UBR2: variants seen among roughly 807,000 people sequenced by gnomAD.
UBR2 encodes the protein ubiquitin protein ligase E3 component n-recognin 2.
In UBR2, 92 loss-of-function variants were observed where a neutral mutation model predicts 247.9. The observed-to-expected ratio is 0.37, with a 90% CI of 0.31 to 0.44. UBR2 has a LOEUF of 0.44. UBR2 is among the 20% of genes least tolerant of loss of function. The pLI is 1.00. For synonymous variants in UBR2, 672 were observed against 693.5 expected (o/e 0.97, Z 0.49); for missense variants, 1,613 against 2,112.6 (o/e 0.76, Z 4.64).
chr6:42,669,203 G>A (rs567000708), intron 34 of UBR2, among the ~76,000 whole-genome samples: 1 of 152,296 alleles, frequency 6.6e-6, no homozygotes, highest in Admixed American at 6.5e-5. Context: ...AGGATTACAT[G>A]CTGAGCCACC....
At chr6:42,625,708 C>T (rs1795298065) in intron 11 of UBR2, among the ~76,000 whole-genome samples, 1 of 152,146 alleles carries the variant, frequency 6.6e-6, no homozygotes, top group African/African-American at 2.4e-5. Flanking sequence ...CCTCAACCTC[C>T]CAAAGTGCTG....
At chr6:42,655,171 C>T (rs1797363313) in intron 25 of UBR2, among the ~76,000 whole-genome samples, 2 of 152,088 alleles carry the variant, frequency 1.3e-5, no homozygotes, top group Non-Finnish European at 2.9e-5. Context: ...TCAGTCTTTT[C>T]ATTTAATAAA....
chr6:42,588,731 C>T (rs1792458091), intron 2 of UBR2, among the ~76,000 whole-genome samples: 1 of 152,148 alleles, frequency 6.6e-6, no homozygotes, highest in African/African-American at 2.4e-5. Context: ...CCCACCCCTC[C>T]CCTCTTCCGA....
intron 32 of UBR2, among the ~76,000 whole-genome samples, 156 bp downstream of exon 32, chr6:42,663,575 A>G (rs1287992058): frequency 6.6e-6 from 1 of 152,200 alleles, no homozygotes; most frequent in Non-Finnish European, 1.5e-5. Context: ...GACCTGTGGA[A>G]TGTGATTTTA....
chr6:42,640,381 A>T, intron 16 of UBR2, 111 bp downstream of exon 16: 74 of 488,808 alleles, frequency 1.5e-4, no homozygotes, highest in Middle Eastern at 5.7e-4. Context: ...CAGAACCAGT[A>T]AGGTGTGTGT....
rs1307526216 is a variant in UBR2, at chr6:42,663,285, A to G, written c.3564A>G (p.Glu1188=). The G allele has an allele frequency of 9.9e-6, 16 of 1,611,346 alleles. No homozygotes were observed. The Admixed American group carries it at 1.0e-4, about 10-fold the overall frequency. Residue 1188 remains glutamate, a synonymous_variant, in exon 32 of 47, where the codon GAA becomes GAG. Transcript: ENST00000372901. ...QRYFDSVQAK[E]QRRQQRLRLH... ...ATTTTGATTCCGTTCAAGCTAAAGA[A>G]CAGCGAAGGCAACAGAGATTACGCT...
Position 42,632,805 on chromosome 6 carries a change from G to A in UBR2, c.1446G>A (p.Lys482=), listed in dbSNP as rs1255493946. 1 of 1,601,446 alleles carries A rather than the reference G, an allele frequency of 6.2e-7. No individual in the cohort carries two copies. The highest frequency in any genetic ancestry group is 1.4e-5 in the African/African-American group (1 of 74,054). The change falls in exon 13 of 47, where the codon AAG becomes AAA. Residue 482 remains lysine (K), a splice_region_variant and synonymous_variant. Coordinates refer to ENST00000372901, the MANE Select transcript of UBR2 (RefSeq NM_001363705.2). ...RRVQSLILDL[K]YVLISKPTEW... ...CCACTGTCACTTTTATCTTGTTCAG[G>A]TATGTGTTAATTAGCAAACCAACTG... is the stretch of plus-strand genomic sequence containing the variant.
chr6:42,629,630 C>A (rs1222076729), intron 11 of UBR2, among the ~76,000 whole-genome samples: 1 of 151,968 alleles, frequency 6.6e-6, no homozygotes, highest in Non-Finnish European at 1.5e-5. Flanking sequence ...GCACTCCAGC[C>A]TGGGTGACAA....
intron 11 of UBR2, 86 bp from the exon 12 acceptor site, chr6:42,632,466 A>C: frequency 8.3e-7 from 1 of 1,209,014 alleles, no homozygotes; most frequent in South Asian, 2.0e-5. Context: ...AAACTGAAGG[A>C]GCTAAACAAT....
chr6:42,663,390 G>C lies in UBR2; in HGVS notation c.3669G>C (p.Leu1223=). ...CECLSNTVIP[L]LLPPRNIFNN... The stretch of plus-strand genomic sequence containing the variant: ...GCTTGAGTAATACTGTTATTCCTCT[G>C]CTGCTTCCTCCAAGAAATATTTTTA... The change falls in exon 32 of 47, where the codon CTG becomes CTC. Residue 1223 remains leucine (L), a synonymous_variant. Transcript: ENST00000372901. The C allele has an allele frequency of 6.2e-7, 1 of 1,609,106 alleles. No homozygotes were observed. The highest frequency in any genetic ancestry group is 8.5e-7 in the Non-Finnish European group (1 of 1,178,290).
chr6:42,633,145 G>A (rs1177328690), intron 13 of UBR2, among the ~76,000 whole-genome samples: 16 of 149,822 alleles, frequency 1.1e-4, no homozygotes, highest in South Asian at 6.4e-4. Flanking sequence ...GCGCAGGCAC[G>A]GGCCCAGGCC....
intron 3 of UBR2, among the ~76,000 whole-genome samples, chr6:42,593,606 T>C (rs1018375948): frequency 2.0e-5 from 3 of 152,198 alleles, no homozygotes; most frequent in African/African-American, 7.2e-5. Flanking sequence ...CTTAAGGAAT[T>C]ATGAATAATT....
At chr6:42,624,980 C>G (rs1795243537) in intron 11 of UBR2, among the ~76,000 whole-genome samples, 1 of 152,150 alleles carries the variant, frequency 6.6e-6, no homozygotes, top group East Asian at 1.9e-4. Context: ...CTATTATCTT[C>G]CTTGCTTTAA....
At chr6:42,594,046 G>C in intron 3 of UBR2, 145 bp from the exon 4 acceptor site, 1 of 528,376 alleles carries the variant, frequency 1.9e-6, no homozygotes. Context: ...ACATTGAGAG[G>C]TTTGGCATTT....
chr6:42,659,358 G>A lies in UBR2; in HGVS notation c.3243-298G>A, dbSNP rs1400136035. Among the ~76,000 whole-genome samples, 2 of 151,482 alleles carry A rather than the reference G, an allele frequency of 1.3e-5. No homozygotes were observed. Among genetic ancestry groups the A allele is most frequent in the South Asian group, 2.1e-4 (1 of 4,788 alleles). ...AAAATACAAAAAAAAAAAATTAGCC[G>A]GGTGTGGTGGTGCATGCCTATAATC... On this transcript the variant is annotated intron_variant, in intron 29 of 46. Transcript: ENST00000372901. The surrounding 1 kb of genome is among the most constrained non-coding windows in gnomAD (Gnocchi z 4.3).
chr6:42,635,442 G>A lies in UBR2; in HGVS notation c.1570G>A (p.Val524Ile). The A allele has an allele frequency of 7.4e-6, 12 of 1,613,644 alleles. No homozygotes were observed. Among genetic ancestry groups the A allele is most frequent in the Non-Finnish European group, 1.0e-5 (12 of 1,179,786 alleles). ...MQGMDPITRQ[V>I]GQHIEMEPEW... ...GGGAATGGATCCAATTACACGTCAA[G>A]TAGGACAACATATTGAAATGGAACC... The change falls in exon 14 of 47, where the codon GTA becomes ATA. Residue 524 changes from valine to isoleucine, a missense_variant. This residue lies in a region of UBR2 where 1,524 missense variants were observed against 1,967.3 expected (regional missense o/e 0.77). Coordinates refer to ENST00000372901, the MANE Select transcript of UBR2 (RefSeq NM_001363705.2).
chr6:42,686,648 G>A (rs1467574891), intron 44 of UBR2, among the ~76,000 whole-genome samples: 1 of 152,204 alleles, frequency 6.6e-6, no homozygotes, highest in Non-Finnish European at 1.5e-5. Flanking sequence ...TTCCCAGACG[G>A]GGCAGCCGGG....
chr6:42,630,852 C>T (rs1382761214), intron 11 of UBR2, among the ~76,000 whole-genome samples: 2 of 152,048 alleles, frequency 1.3e-5, no homozygotes, highest in Non-Finnish European at 2.9e-5. Context: ...CACTCTGTCG[C>T]CCAGGCTGGA....
chr6:42,662,139 TA>T lies in UBR2; in HGVS notation c.3443-42del. ...AGTTACACATTTGTTATAGGAAAATTAAATGCTTCACTTTTGTTTTGTTTTG... is the reference window on the plus strand; with the variant it reads ...AGTTACACATTTGTTATAGGAAAATTAATGCTTCACTTTTGTTTTGTTTTG... On this transcript the variant is annotated intron_variant, in intron 30 of 46. Transcript: ENST00000372901. 3.9e-6 allele frequency: 5 copies of T among 1,273,932 alleles called. No homozygotes were observed. In the South Asian group the frequency reaches 6.4e-5, roughly 16 times the overall value. The allele number at this position is 1,273,932 out of a possible 1,614,324, so 78.9% of individuals were successfully genotyped here.
Sources: gnomAD v4.1 joint callset for allele counts (sites outside exome capture counted in the v4.1 genomes callset) on GRCh38, gnomAD v4.1.1 for gene constraint, gnomAD v4.1.1 regional missense constraint, Gnocchi (gnomAD v3.1) non-coding constraint, MANE v1.5 for transcripts, NCBI Gene and HGNC (gene_info 2026-07-23, HGNC 2026-07-21) for gene names.